Variants in SLCO4A1 observed in about 807,000 individuals in gnomAD.
SLCO4A1 encodes the protein colon organic anion transporter.
A neutral mutation model predicts 64.6 loss-of-function variants in SLCO4A1; 51 were observed. The observed-to-expected ratio is 0.79, with a 90% CI of 0.63 to 1.00. SLCO4A1 has a LOEUF of 1.00. Among genes scored for constraint, SLCO4A1 ranks in the 50% least tolerant of loss-of-function variants. SLCO4A1 has a pLI of 0.00. For missense variants in SLCO4A1, 919 were observed against 980.5 expected (o/e 0.94, Z 0.84); for synonymous variants, 471 against 444.9 (o/e 1.06, Z -0.74).
intron 7 of SLCO4A1, among the ~76,000 whole-genome samples, chr20:62,667,131 G>A (rs1986498128): frequency 6.6e-6 from 1 of 152,272 alleles, no homozygotes; most frequent in African/African-American, 2.4e-5. Context: ...AGTCATCAGG[G>A]TGGACGGGGT....
At chr20:62,647,818 C>T (rs1401357144) in intron 1 of SLCO4A1, among the ~76,000 whole-genome samples, 1 of 152,212 alleles carries the variant, frequency 6.6e-6, no homozygotes, top group Non-Finnish European at 1.5e-5. Context: ...GCCACCCGCA[C>T]GTGGCCACTA....
intron 2 of SLCO4A1, among the ~76,000 whole-genome samples, chr20:62,677,381 G>A (rs1460799020): frequency 1.3e-5 from 2 of 152,192 alleles, no homozygotes; most frequent in African/African-American, 4.8e-5. Flanking sequence ...TGTAGACCAT[G>A]GAGATCTGTT....
At chr20:62,651,587 G>A (rs566178725) in intron 1 of SLCO4A1, 5 of 152,292 alleles carry the variant, frequency 3.3e-5, no homozygotes, top group East Asian at 3.9e-4. Flanking sequence ...GGTAACTTTC[G>A]GCTGAGCTTT....
chr20:62,687,217 C>CGATGGAAAGGGCACCCCCAAACAGGAGCG (rs1569159388), downstream of SLCO4A1, among the ~76,000 whole-genome samples: 25 of 151,630 alleles, frequency 1.6e-4, no homozygotes, highest in Middle Eastern at 3.4e-3. Flanking sequence ...CAAACAGGAG[C>CGATGGAAAGGGCACCCCCAAACAGGAGCG]GGGGGCCTCT....
At chr20:62,684,533 A>G (rs1422377837) in intron 2 of SLCO4A1, among the ~76,000 whole-genome samples, 4 of 151,960 alleles carry the variant, frequency 2.6e-5, no homozygotes, top group African/African-American at 9.7e-5. Flanking sequence ...TGCCCCCACC[A>G]CAATCACAGG....
chr20:62,658,850 C>T (rs1435652773), intron 3 of SLCO4A1, 83 bp downstream of exon 3: 2 of 1,225,946 alleles, frequency 1.6e-6, no homozygotes, highest in Non-Finnish European at 2.3e-6. Flanking sequence ...AGGGCCCACT[C>T]TGAGTCAGGC....
chr20:62,657,936 A>G (rs1259547169), intron 2 of SLCO4A1, among the ~76,000 whole-genome samples: 1 of 152,226 alleles, frequency 6.6e-6, no homozygotes, highest in East Asian at 1.9e-4. Flanking sequence ...AGCTGAGCTC[A>G]CTGCCCTGGG....
At chr20:62,678,415 C>T (rs1240982689) in intron 2 of SLCO4A1, among the ~76,000 whole-genome samples, 1 of 152,074 alleles carries the variant, frequency 6.6e-6, no homozygotes, top group Non-Finnish European at 1.5e-5. Flanking sequence ...CCCAGCTCGA[C>T]AGTTTACTAT....
At chr20:62,660,564 C>T (rs780884735) in intron 4 of SLCO4A1, 31 bp downstream of exon 4, 23 of 1,600,884 alleles carry the variant, frequency 1.4e-5, no homozygotes, top group Middle Eastern at 1.6e-4. Flanking sequence ...CCAGCCTTCA[C>T]ATTGGGAGAC....
At chr20:62,664,592 C>T (rs1422791320) in intron 5 of SLCO4A1, among the ~76,000 whole-genome samples, 1 of 152,178 alleles carries the variant, frequency 6.6e-6, no homozygotes, top group Non-Finnish European at 1.5e-5. Flanking sequence ...AAGGTTTTTC[C>T]CTAATCAGGG....
intron 7 of SLCO4A1, 90 bp from the exon 8 acceptor site, chr20:62,667,654 TG>T: frequency 6.9e-7 from 1 of 1,454,760 alleles, no homozygotes; most frequent in Non-Finnish European, 9.3e-7. Context: ...GCAGGCTGCA[TG>T]GGGACGAGCC....
rs761367043 is a variant in SLCO4A1 at position 62,668,943 on chromosome 20, G to T, written c.1890G>T (p.Gly630=). 2.5e-6 allele frequency: 4 copies of T among 1,605,180 alleles called. No individual in the cohort carries two copies. Among genetic ancestry groups the T allele is most frequent in the East Asian group, 4.5e-5 (2 of 44,882 alleles). ...IVVRILGGIP[G]PIAFGWVIDK... is the part of the protein sequence containing the mutation. ...TTCTCTCCGCAGGGGGCATCCCGGG[G>T]CCCATCGCCTTCGGCTGGGTGATCG... The change falls in exon 11 of 12, where the codon GGG becomes GGT. Residue 630 remains glycine, a synonymous_variant. Transcript: ENST00000217159.
intron 2 of SLCO4A1, among the ~76,000 whole-genome samples, chr20:62,682,451 G>A (rs961740522): frequency 3.3e-5 from 5 of 152,242 alleles, no homozygotes; most frequent in Non-Finnish European, 5.9e-5. Context: ...ACACATGAGT[G>A]TGGAGACCAC....
chr20:62,643,939 T>C (rs1980859181), intron 1 of SLCO4A1, among the ~76,000 whole-genome samples: 1 of 152,216 alleles, frequency 6.6e-6, no homozygotes, highest in Non-Finnish European at 1.5e-5. Flanking sequence ...GTTAAGTGAT[T>C]GACTCTAGGC....
rs147469637 is a variant in SLCO4A1, at chr20:62,669,491, G to A, written c.2025+413G>A. ...CCGGGCCTCAGTCTGGGGGGCTGGC[G>A]GGCAGGTTGCAGCCTCTCCGTGATC... On this transcript the variant is annotated intron_variant, in intron 11 of 11. Transcript: ENST00000217159. 3.8e-4 allele frequency among the ~76,000 whole-genome samples: 58 copies of A among 152,340 alleles called. No individual in the cohort carries two copies. The East Asian group carries it at 6.2e-3, about 16-fold the overall frequency.
At chr20:62,660,590 G>A (rs1420513643) in intron 4 of SLCO4A1, 57 bp downstream of exon 4, 40 of 1,571,818 alleles carry the variant, frequency 2.5e-5, no homozygotes, top group Admixed American at 1.5e-4. Flanking sequence ...CTTAGTCTTC[G>A]CGAAGGGGGC....
At chr20:62,653,846 C>T (rs1015690205) in intron 1 of SLCO4A1, among the ~76,000 whole-genome samples, 5 of 148,974 alleles carry the variant, frequency 3.4e-5, no homozygotes, top group South Asian at 2.1e-4. Flanking sequence ...ACAATGAGAA[C>T]GCTTGGACAC....
rs1451620699 is a variant in SLCO4A1 at position 62,665,147 on chromosome 20, C to G, written c.1276+59C>G. On this transcript the variant is annotated intron_variant, in intron 6 of 11. Transcript: ENST00000217159. ...TTATGTCAGTTCTCAGAAACAGAGT[C>G]TTCAAGGGCATCTTCTAGAAAGACC... 4.6e-6 allele frequency: 7 copies of G among 1,537,318 alleles called. No homozygotes were observed. In the Admixed American group the frequency reaches 1.2e-4, roughly 26 times the overall value.
At chr20:62,665,740 C>G (rs13041871) in intron 6 of SLCO4A1, 1 of 153,662 alleles carries the variant, frequency 6.5e-6, no homozygotes, top group African/African-American at 2.4e-5. Flanking sequence ...TTCCCACACT[C>G]AACAGCCCCC....
Sources: gnomAD v4.1 joint callset for allele counts (sites outside exome capture counted in the v4.1 genomes callset) on GRCh38, gnomAD v4.1.1 for gene constraint, MANE v1.5 for transcripts, NCBI Gene and HGNC (gene_info 2026-07-23, HGNC 2026-07-21) for gene names.